Variants in SCP2 observed in about 807,000 individuals in gnomAD.
SCP2 encodes the protein sterol carrier protein 2.
A neutral mutation model predicts 71.4 loss-of-function variants in SCP2; 48 were observed. That is an observed-to-expected ratio of 0.67 (90% CI 0.53 to 0.86). The LOEUF is 0.86. Among genes scored for constraint, SCP2 ranks in the 40% least tolerant of loss-of-function variants. SCP2 has a pLI of 0.00. For missense variants in SCP2, 560 were observed against 655.6 expected (o/e 0.85, Z 1.59); for synonymous variants, 220 against 218.1 (o/e 1.01, Z -0.08).
intron 12 of SCP2, among the ~76,000 whole-genome samples, chr1:53,019,077 C>A (rs1463480804): frequency 3.3e-5 from 5 of 152,120 alleles, no homozygotes; most frequent in Non-Finnish European, 1.5e-5. Flanking sequence ...TTTTTTGCAG[C>A]ATGAAATTAT....
intron 9 of SCP2, 138 bp from the exon 10 acceptor site, chr1:52,980,258 G>A (rs1658364461): frequency 4.0e-6 from 3 of 742,278 alleles, no homozygotes; most frequent in African/African-American, 3.6e-5. Context: ...ATAGGCATGA[G>A]CCAATGCACC....
At chr1:52,993,282 T>C (rs1203355614) in intron 11 of SCP2, 1 of 1,614,228 alleles carries the variant, frequency 6.2e-7, no homozygotes, top group South Asian at 1.1e-5. Context: ...TCTTGAAATT[T>C]CCTGATAACC....
At chr1:52,942,694 G>GTTT (rs147939561) in intron 2 of SCP2, among the ~76,000 whole-genome samples, 22 of 120,550 alleles carry the variant, frequency 1.8e-4, no homozygotes, top group Non-Finnish European at 3.0e-4. Flanking sequence ...AATTTAACAG[G>GTTT]TTTTTTTTTT....
chr1:52,991,952 T>C (rs1231766483), intron 11 of SCP2, among the ~76,000 whole-genome samples: 7 of 152,088 alleles, frequency 4.6e-5, no homozygotes, highest in Non-Finnish European at 1.0e-4. Flanking sequence ...ATCCACAGAA[T>C]TAAAAACAAA....
chr1:52,971,825 T>C (rs1458819648), intron 6 of SCP2, among the ~76,000 whole-genome samples: 1 of 152,176 alleles, frequency 6.6e-6, no homozygotes, highest in Admixed American at 6.5e-5. Flanking sequence ...ATAGGTCAGA[T>C]AGTTTGTTTA....
At chr1:52,987,989 T>C (rs757942317) in intron 10 of SCP2, 40 bp from the exon 11 acceptor site, 1 of 998,374 alleles carries the variant, frequency 1.0e-6, no homozygotes, top group Non-Finnish European at 1.6e-6. Flanking sequence ...TGTTCTATTG[T>C]TACTATTAAT....
intron 11 of SCP2, among the ~76,000 whole-genome samples, chr1:52,996,698 G>T (rs866602854): frequency 6.6e-6 from 1 of 152,078 alleles, no homozygotes; most frequent in Non-Finnish European, 1.5e-5. Flanking sequence ...TAGAGAAGGG[G>T]ATCAAGGGGG....
At chr1:52,995,434 C>T in intron 11 of SCP2, 1 of 448,886 alleles carries the variant, frequency 2.2e-6, no homozygotes, top group South Asian at 1.9e-5. Flanking sequence ...CACCTGTCTC[C>T]ACTTCCCTGG....
intron 8 of SCP2, among the ~76,000 whole-genome samples, chr1:52,977,365 T>C (rs1460108223): frequency 2.0e-5 from 3 of 152,166 alleles, no homozygotes; most frequent in Non-Finnish European, 4.4e-5. Context: ...ATTTAGAAAG[T>C]CTAACTGAAC....
chr1:52,981,969 C>T (rs1658539658), intron 10 of SCP2, among the ~76,000 whole-genome samples: 1 of 151,876 alleles, frequency 6.6e-6, no homozygotes, highest in Non-Finnish European at 1.5e-5. Flanking sequence ...TGTGCCCCTC[C>T]TCTTGACTTC....
At chr1:53,012,206 C>T (rs1218701089) in intron 11 of SCP2, among the ~76,000 whole-genome samples, 1 of 152,222 alleles carries the variant, frequency 6.6e-6, no homozygotes, top group African/African-American at 2.4e-5. Flanking sequence ...GGGACCTGCC[C>T]CACGCCCAGA....
chr1:52,961,689 T>G, intron 6 of SCP2, 60 bp downstream of exon 6: 1 of 1,403,118 alleles, frequency 7.1e-7, no homozygotes, highest in Non-Finnish European at 1.0e-6. Context: ...AGATGAGAAA[T>G]GACAGTTATT....
chr1:53,036,346 A>C (rs17107700), intron 13 of SCP2, among the ~76,000 whole-genome samples: 14,687 of 149,642 alleles, frequency 0.098, 1,413 homozygotes, highest in African/African-American at 0.22. Flanking sequence ...TCTGGCTCTT[A>C]AAACAATGCT....
chr1:53,014,107 G>A lies in SCP2; in HGVS notation c.1082-783G>A, dbSNP rs528969838. On this transcript the variant is annotated intron_variant, in intron 11 of 15. Coordinates refer to ENST00000371514, the MANE Select transcript of SCP2 (RefSeq NM_002979.5). ...TTTTTAGTAGAGACGGGGTTTCACC[G>A]TGTTAGCCAGGATGGTCTTGATCTC... 1.6e-4 allele frequency among the ~76,000 whole-genome samples: 23 copies of A among 144,974 alleles called. No homozygotes were observed. The South Asian group carries it at 4.8e-3, about 30-fold the overall frequency.
At chr1:52,974,379 C>T (rs1657762509) in intron 6 of SCP2, among the ~76,000 whole-genome samples, 1 of 152,082 alleles carries the variant, frequency 6.6e-6, no homozygotes, top group Non-Finnish European at 1.5e-5. Flanking sequence ...TCTTATCATG[C>T]CCTGGAGGGT....
intron 10 of SCP2, among the ~76,000 whole-genome samples, chr1:52,983,618 T>C (rs1658717016): frequency 6.6e-6 from 1 of 152,232 alleles, no homozygotes; most frequent in African/African-American, 2.4e-5. Flanking sequence ...ATGAGTTTTC[T>C]ATTTCAAATA....
intron 11 of SCP2, among the ~76,000 whole-genome samples, chr1:52,997,571 G>A (rs943463066): frequency 6.6e-6 from 1 of 152,164 alleles, no homozygotes; most frequent in Non-Finnish European, 1.5e-5. Flanking sequence ...TTTATGACAT[G>A]TCCAGAATAG....
intron 5 of SCP2, among the ~76,000 whole-genome samples, chr1:52,960,507 T>A (rs564437007): frequency 4.0e-4 from 60 of 150,270 alleles, no homozygotes; most frequent in Admixed American, 7.3e-4. Context: ...TGTGTGTGTG[T>A]GTGTGTGTGT....
chr1:52,976,260 A>G (rs1021198353), intron 7 of SCP2, among the ~76,000 whole-genome samples: 1 of 152,038 alleles, frequency 6.6e-6, no homozygotes, highest in Non-Finnish European at 1.5e-5. Context: ...CTGGCCACAT[A>G]ACTGAACTCA....
Sources: allele counts gnomAD v4.1 joint callset (sites outside exome capture counted in the v4.1 genomes callset), GRCh38; gene constraint gnomAD v4.1.1; transcripts MANE v1.5; gene names NCBI Gene and HGNC (gene_info 2026-07-23, HGNC 2026-07-21).